Variants in URGCP observed in about 807,000 individuals in gnomAD.
The protein encoded by URGCP is upregulator of cell proliferation, also known as up-regulator of cell proliferation.
Under a neutral mutation model 24.6 loss-of-function variants are expected in URGCP, and 13 were observed. The observed-to-expected ratio is 0.53, with a 90% CI of 0.34 to 0.84. The LOEUF is 0.84. Ranked by LOEUF, URGCP falls within the 40% of genes least tolerant of loss-of-function variation. URGCP has a pLI of 0.01. For missense variants in URGCP, 899 were observed against 1,194.3 expected (o/e 0.75, Z 3.64); for synonymous variants, 444 against 487.2 (o/e 0.91, Z 1.17).
chr7:43,916,707 A>ACCCCCCCCC (rs1204214927), intron 1 of URGCP, among the ~76,000 whole-genome samples: 2 of 24,636 alleles, frequency 8.1e-5, no homozygotes, highest in Non-Finnish European at 8.4e-5. Flanking sequence ...CCCACTCCCT[A>ACCCCCCCCC]CCCACCCCCC....
chr7:43,917,193 CCT>C (rs1319991171), intron 1 of URGCP, among the ~76,000 whole-genome samples: 14 of 152,220 alleles, frequency 9.2e-5, no homozygotes, highest in African/African-American at 3.1e-4. Flanking sequence ...AGGATTTTGA[CCT>C]CTGTCTCCCT....
chr7:43,896,068 A>G (rs2095877830), intron 1 of URGCP, among the ~76,000 whole-genome samples: 1 of 152,260 alleles, frequency 6.6e-6, no homozygotes, highest in South Asian at 2.1e-4. Context: ...TAAGTCAGGA[A>G]CAAAAAGACA....
chr7:43,905,387 A>C (rs1009301597), intron 1 of URGCP, among the ~76,000 whole-genome samples: 2 of 152,092 alleles, frequency 1.3e-5, no homozygotes, highest in African/African-American at 4.8e-5. Flanking sequence ...TCATGAGCTC[A>C]AAGTGCTGGG....
At chr7:43,905,058 C>A (rs2095898514) in intron 1 of URGCP, among the ~76,000 whole-genome samples, 1 of 152,158 alleles carries the variant, frequency 6.6e-6, no homozygotes, top group South Asian at 2.1e-4. Flanking sequence ...CAAATAATCA[C>A]AACCGCAAAT....
At chr7:43,888,386 C>G (rs1275918791) in intron 1 of URGCP, 1 of 151,884 alleles carries the variant, frequency 6.6e-6, no homozygotes, top group Non-Finnish European at 1.5e-5. Context: ...CCTGTAATCC[C>G]AGCTACTTCG....
At chr7:43,919,101 G>C (rs1472867977) in intron 1 of URGCP, 4 of 902,258 alleles carry the variant, frequency 4.4e-6, no homozygotes, top group African/African-American at 3.3e-5. Flanking sequence ...AGATGGCTTT[G>C]TGCTGTGTCA....
At chr7:43,884,165 T>G (rs184286906) in intron 3 of URGCP, among the ~76,000 whole-genome samples, 1 of 152,248 alleles carries the variant, frequency 6.6e-6, no homozygotes, top group African/African-American at 2.4e-5. Flanking sequence ...AGGTCAAGGA[T>G]GCACAAAGTA....
chr7:43,926,084 G>A (rs2095929820), intron 1 of URGCP: 1 of 152,504 alleles, frequency 6.6e-6, no homozygotes, highest in Admixed American at 6.5e-5. Flanking sequence ...ACATGGAAAT[G>A]GCTGTAACGC....
At chr7:43,880,647 C>G (rs537758556) in intron 5 of URGCP, among the ~76,000 whole-genome samples, 8 of 152,334 alleles carry the variant, frequency 5.3e-5, no homozygotes, top group Non-Finnish European at 1.2e-4. Flanking sequence ...CCATATTGCT[C>G]AGGCTGGTCT....
At chr7:43,891,308 G>T (rs2095870287) in intron 1 of URGCP, among the ~76,000 whole-genome samples, 1 of 152,196 alleles carries the variant, frequency 6.6e-6, no homozygotes, top group Non-Finnish European at 1.5e-5. Context: ...TGAACAAGGT[G>T]AGCACCAGAC....
At chr7:43,887,900 C>A in intron 1 of URGCP, 84 bp from the exon 2 acceptor site, 1 of 853,366 alleles carries the variant, frequency 1.2e-6, no homozygotes, top group South Asian at 1.7e-5. Flanking sequence ...CTTTTAAAAT[C>A]AAAGTGCAAT....
Position 43,878,063 on chromosome 7 carries a change from T to A in URGCP, c.1400A>T (p.Glu467Val), listed in dbSNP as rs2095848004. The A allele has an allele frequency of 6.2e-7, 1 of 1,614,090 alleles. No homozygotes were observed. The highest frequency in any genetic ancestry group is 1.1e-5 in the South Asian group (1 of 91,082). ...KLGLKVDEDC[E>V]ECQKAKDRME... ...CCGGTCTTTCGCTTTCTGACACTCC[T>A]CACAGTCCTCGTCGACCTTTAGGCC... Residue 467 changes from glutamate to valine, a missense_variant, in exon 6 of 6, where the codon GAG (glutamate) becomes GTG (valine). Glu to Val is a moderately radical substitution (Grantham distance 121, BLOSUM62 -2). Coordinates refer to ENST00000453200, the MANE Select transcript of URGCP (RefSeq NM_001077663.3). This position sits in a 1 kb window ranked among gnomAD's most constrained non-coding sequence, Gnocchi z 5.6.
At chr7:43,893,490 C>A (rs1268140884) in intron 1 of URGCP, among the ~76,000 whole-genome samples, 1 of 152,150 alleles carries the variant, frequency 6.6e-6, no homozygotes, top group African/African-American at 2.4e-5. Context: ...CATTGTGCTC[C>A]AACTAAATGG....
At chr7:43,917,133 A>T (rs902967785) in intron 1 of URGCP, among the ~76,000 whole-genome samples, 4 of 152,180 alleles carry the variant, frequency 2.6e-5, no homozygotes, top group African/African-American at 9.7e-5. Context: ...CAGAAGCCTG[A>T]CATGTCAGCA....
intron 5 of URGCP, chr7:43,881,358 A>G: frequency 1.6e-6 from 1 of 638,100 alleles, no homozygotes; most frequent in Non-Finnish European, 2.8e-6. Context: ...AACTTGTTAA[A>G]AAATGAAACA....
Position 43,878,730 on chromosome 7 carries a change from T to G in URGCP, c.733A>C (p.Arg245=), listed in dbSNP as rs1165995228. The change falls in exon 6 of 6, where the codon AGG becomes CGG. Residue 245 remains arginine (R), a synonymous_variant. Coordinates refer to ENST00000453200, the MANE Select transcript of URGCP (RefSeq NM_001077663.3). This position sits in a 1 kb window ranked among gnomAD's most constrained non-coding sequence, Gnocchi z 5.6. ...IVRTWWSQPP[R]GMGSFREDSV... ...TCTTCCCGGAAGCTCCCCATGCCCC[T>G]TGGGGGCTGGGACCACCATGTCCTC... The G allele has an allele frequency of 1.9e-6, 3 of 1,614,012 alleles. No homozygotes were observed. Among genetic ancestry groups the G allele is most frequent in the Non-Finnish European group, 2.5e-6 (3 of 1,180,004 alleles).
rs935579072 is a variant in URGCP, at chr7:43,915,394, T to C, written c.-116+10738A>G. 5.3e-5 allele frequency among the ~76,000 whole-genome samples: 8 copies of C among 152,326 alleles called. No individual in the cohort carries two copies. In the East Asian group the frequency reaches 1.2e-3, roughly 22 times the overall value. On this transcript the variant is annotated intron_variant, in intron 1 of 5. Coordinates refer to the URGCP transcript ENST00000426198. ...GAGGAAACTGCACCCCCTCACCCCA[T>C]TGCTCTCAGGGACTGGGAATGTCAG...
intron 1 of URGCP, among the ~76,000 whole-genome samples, chr7:43,894,637 G>A (rs1347344424): frequency 6.6e-6 from 1 of 152,066 alleles, no homozygotes; most frequent in Non-Finnish European, 1.5e-5. Flanking sequence ...TGTAATTACA[G>A]GCGTGAGCCA....
Position 43,876,690 on chromosome 7 carries a change from T to C in URGCP, c.2773A>G (p.Ile925Val). ...ACTCACAGCCGTCTCACCAGCTCAA[T>C]GAGCTGCTGGATGTTTTTGTTTTGG... ...SNQNKNIQQL[I>V]ELVRRL is the part of the protein sequence containing the mutation. Residue 925 changes from isoleucine (I) to valine (V), a missense_variant, in exon 6 of 6, where the codon ATT becomes GTT. Coordinates refer to ENST00000453200, the MANE Select transcript of URGCP (RefSeq NM_001077663.3). 1 of 1,611,880 alleles carries C rather than the reference T, an allele frequency of 6.2e-7. No individual in the cohort carries two copies. Among genetic ancestry groups the C allele is most frequent in the Non-Finnish European group, 8.5e-7 (1 of 1,177,876 alleles).
Sources: allele counts gnomAD v4.1 joint callset (sites outside exome capture counted in the v4.1 genomes callset), GRCh38; gene constraint gnomAD v4.1.1; non-coding constraint Gnocchi (gnomAD v3.1); transcripts MANE v1.5; gene names NCBI Gene and HGNC (gene_info 2026-07-23, HGNC 2026-07-21).